The following EXOC4 variants were observed in gnomAD, a reference collection of about 807,000 sequenced individuals.
EXOC4 encodes the protein exocyst complex component 4, also known as SEC8-like 1.
EXOC4 carries 71 observed loss-of-function variants against 107.2 expected under a neutral mutation model. The ratio of observed to expected loss-of-function variants is 0.66; its 90% CI spans 0.55 to 0.81. The LOEUF (loss-of-function observed/expected upper bound fraction) is 0.81, where lower values mean the gene tolerates loss of function less well. Among genes scored for constraint, EXOC4 ranks in the 30% least tolerant of loss-of-function variants. EXOC4 has a pLI of 0.00. For missense variants in EXOC4, 1,108 were observed against 1,189.6 expected (o/e 0.93, Z 1.01); for synonymous variants, 456 against 441.2 (o/e 1.03, Z -0.42).
At chr7:133,751,532 G>A (rs1015478402) in intron 10 of EXOC4, among the ~76,000 whole-genome samples, 18 of 152,196 alleles carry the variant, frequency 1.2e-4, no homozygotes, top group Middle Eastern at 6.8e-3. Context: ...AGTTTAATTG[G>A]TTTTCATGGA....
At chr7:133,278,751 TA>T (rs1480544539) in intron 2 of EXOC4, among the ~76,000 whole-genome samples, 1 of 152,132 alleles carries the variant, frequency 6.6e-6, no homozygotes, top group African/African-American at 2.4e-5. Flanking sequence ...TGATTTTAAC[TA>T]TCGGTATAAT....
At chr7:133,487,633 T>C (rs1307557539) in intron 9 of EXOC4, among the ~76,000 whole-genome samples, 2 of 152,020 alleles carry the variant, frequency 1.3e-5, no homozygotes, top group Non-Finnish European at 2.9e-5. Flanking sequence ...TGCTTGAACC[T>C]AGGAGGTGGA....
At chr7:133,849,275 C>T (rs1022943695) in intron 11 of EXOC4, among the ~76,000 whole-genome samples, 1 of 152,096 alleles carries the variant, frequency 6.6e-6, no homozygotes, top group African/African-American at 2.4e-5. Context: ...ATTCAATTAG[C>T]TGGGCATGGT....
At chr7:133,939,591 G>A (rs1305479064) in intron 14 of EXOC4, among the ~76,000 whole-genome samples, 1 of 152,122 alleles carries the variant, frequency 6.6e-6, no homozygotes, top group Admixed American at 6.5e-5. Flanking sequence ...TGAACTTCTG[G>A]CTTTAGGTGG....
At chr7:134,007,951 GA>G (rs1397249273) in intron 17 of EXOC4, 116 bp downstream of exon 17, 1 of 950,162 alleles carries the variant, frequency 1.1e-6, no homozygotes, top group African/African-American at 1.7e-5. Context: ...AAAAAAGAAA[GA>G]AGCACAGATA....
At chr7:134,094,185 C>T in the EXOC4 span, among the ~76,000 whole-genome samples, 3 of 151,776 alleles carry the variant, frequency 2.0e-5, no homozygotes, top group African/African-American at 7.2e-5. Flanking sequence ...GCTAGGTTAA[C>T]GAAGAAAAGA....
chr7:134,076,541 G>C, the EXOC4 span, among the ~76,000 whole-genome samples: 1 of 151,920 alleles, frequency 6.6e-6, no homozygotes, highest in African/African-American at 2.4e-5. Context: ...GAAGCAACAA[G>C]TATGTGTTGT....
intron 17 of EXOC4, among the ~76,000 whole-genome samples, chr7:134,048,057 G>A (rs1374006426): frequency 1.3e-5 from 2 of 152,174 alleles, no homozygotes; most frequent in South Asian, 2.1e-4. Context: ...GAAATCATAG[G>A]GAATTGAAGC....
At chr7:133,253,320 G>A in intron 1 of EXOC4, 133 bp downstream of exon 1, 2 of 1,425,118 alleles carry the variant, frequency 1.4e-6, no homozygotes, top group South Asian at 1.6e-5. Flanking sequence ...CCTCCCCAGG[G>A]CTCTAACCCC....
intron 13 of EXOC4, among the ~76,000 whole-genome samples, chr7:133,925,355 T>C (rs1376995444): frequency 6.6e-6 from 1 of 152,212 alleles, no homozygotes; most frequent in East Asian, 1.9e-4. Flanking sequence ...GCAAATATCC[T>C]TTTATTCCCA....
intron 14 of EXOC4, among the ~76,000 whole-genome samples, chr7:133,944,694 A>G (rs1364135494): frequency 1.3e-5 from 2 of 152,174 alleles, no homozygotes; most frequent in African/African-American, 4.8e-5. Flanking sequence ...TGAGTTGAAT[A>G]CTTGCTAAGA....
intron 1 of EXOC4, among the ~76,000 whole-genome samples, chr7:133,264,185 T>TA (rs1470749584): frequency 6.6e-6 from 1 of 152,188 alleles, no homozygotes; most frequent in Non-Finnish European, 1.5e-5. Context: ...TAATATTAGA[T>TA]AATGACCTTT....
At chr7:133,841,213 T>A (rs1053556550) in intron 11 of EXOC4, among the ~76,000 whole-genome samples, 7 of 152,176 alleles carry the variant, frequency 4.6e-5, no homozygotes, top group African/African-American at 1.7e-4. Context: ...ACTAATCCCA[T>A]TCACAAGGGC....
chr7:133,289,731 A>G (rs1286796382), intron 3 of EXOC4, among the ~76,000 whole-genome samples: 13 of 152,284 alleles, frequency 8.5e-5, no homozygotes, highest in South Asian at 4.1e-4. Flanking sequence ...AAAAGTAGAA[A>G]TACAGAGTTT....
intron 3 of EXOC4, among the ~76,000 whole-genome samples, chr7:133,291,525 G>T (rs921915693): frequency 6.6e-5 from 10 of 151,670 alleles, no homozygotes; most frequent in Non-Finnish European, 1.0e-4. Flanking sequence ...GGGATTACAG[G>T]TGTGTGCCAC....
intron 11 of EXOC4, among the ~76,000 whole-genome samples, chr7:133,827,512 T>C (rs11487150): frequency 0.16 from 23,595 of 152,194 alleles, 2,279 homozygotes; most frequent in African/African-American, 0.26. Context: ...GCTAGGGTTT[T>C]GGAATAATAA....
intron 10 of EXOC4, among the ~76,000 whole-genome samples, chr7:133,809,326 G>A (rs1797160042): frequency 6.6e-6 from 1 of 152,224 alleles, no homozygotes; most frequent in African/African-American, 2.4e-5. Context: ...AAATGTGACA[G>A]TAGAGGATTG....
At chr7:133,536,474 G>C (rs1287293392) in intron 9 of EXOC4, among the ~76,000 whole-genome samples, 1 of 151,916 alleles carries the variant, frequency 6.6e-6, no homozygotes, top group Non-Finnish European at 1.5e-5. Context: ...TCAAAATGTT[G>C]CTGGTAGCAA....
chr7:133,663,875 C>A (rs1376406083), intron 10 of EXOC4, among the ~76,000 whole-genome samples: 1 of 152,110 alleles, frequency 6.6e-6, no homozygotes, highest in East Asian at 1.9e-4. Flanking sequence ...TGGCACAGAA[C>A]TTTTTAACAG....
Sources: gnomAD v4.1 joint callset for allele counts (sites outside exome capture counted in the v4.1 genomes callset) on GRCh38, gnomAD v4.1.1 for gene constraint, MANE v1.5 for transcripts, NCBI Gene and HGNC (gene_info 2026-07-23, HGNC 2026-07-21) for gene names.